DEPDC1B: variants seen among roughly 807,000 people sequenced by gnomAD.
DEPDC1B encodes DEP domain-containing protein 1B.
DEPDC1B carries 51 observed loss-of-function variants against 66.5 expected under a neutral mutation model. That is an observed-to-expected ratio of 0.77 (90% CI 0.61 to 0.97). DEPDC1B has a LOEUF of 0.97. Ranked by LOEUF, DEPDC1B falls within the 50% of genes least tolerant of loss-of-function variation. The pLI is 0.00. For missense variants in DEPDC1B, 552 were observed against 637.1 expected (o/e 0.87, Z 1.44); for synonymous variants, 226 against 223.6 (o/e 1.01, Z -0.10).
chr5:60,677,824 T>C (rs1754205864), intron 2 of DEPDC1B, among the ~76,000 whole-genome samples: 1 of 152,148 alleles, frequency 6.6e-6, no homozygotes, highest in Non-Finnish European at 1.5e-5. Context: ...CAACAACCCA[T>C]GACGATGAAA....
At chr5:60,657,841 G>A (rs1451972332) in intron 2 of DEPDC1B, among the ~76,000 whole-genome samples, 1 of 152,142 alleles carries the variant, frequency 6.6e-6, no homozygotes, top group East Asian at 1.9e-4. Context: ...CTAGATCTCT[G>A]GCAAGGCCAG....
chr5:60,620,690 TG>T (rs1335464578), intron 7 of DEPDC1B, among the ~76,000 whole-genome samples: 1 of 152,326 alleles, frequency 6.6e-6, no homozygotes, highest in East Asian at 1.9e-4. Flanking sequence ...ACACTGTTGG[TG>T]GGACTGTAAA....
intron 7 of DEPDC1B, among the ~76,000 whole-genome samples, chr5:60,636,965 T>C (rs1235334634): frequency 6.6e-6 from 1 of 152,214 alleles, no homozygotes; most frequent in Admixed American, 6.5e-5. Flanking sequence ...ATAATTGTGA[T>C]AAAATAGAGC....
chr5:60,664,030 T>C (rs921910421), intron 2 of DEPDC1B, among the ~76,000 whole-genome samples: 1 of 152,234 alleles, frequency 6.6e-6, no homozygotes, highest in South Asian at 2.1e-4. Context: ...CAGGCCATTA[T>C]ACACACTAAT....
Position 60,667,664 on chromosome 5 carries a change from T to TGAAA in DEPDC1B, c.314+19297_314+19298insTTTC, listed in dbSNP as rs1183216858. On this transcript the variant is annotated intron_variant, in intron 2 of 10. Coordinates refer to ENST00000265036, the MANE Select transcript of DEPDC1B (RefSeq NM_018369.3). ...GAAAAATGGATATTTTACATGTATA[T>TGAAA]AATGGATATTTTACATGTATATAAT... Among the ~76,000 whole-genome samples the TGAAA allele has an allele frequency of 1.1e-3, 142 of 132,552 alleles. 1 individual carries two copies. The highest frequency in any genetic ancestry group is 0.012 in the Middle Eastern group (1 of 84). 87.0% of individuals were successfully genotyped at this position (132,552 alleles called of 152,430 possible). A position where few individuals can be genotyped will look rare whatever the true frequency, so the allele number is the denominator to read the frequency against.
In DEPDC1B at chr5:60,639,031, T is replaced by G. The variant is rs918917165; in HGVS notation, c.758-141A>C. 5 of 850,450 alleles carry G rather than the reference T, an allele frequency of 5.9e-6. No individual in the cohort carries two copies. In the African/African-American group the frequency reaches 8.9e-5, roughly 15 times the overall value. The allele number at this position is 850,450 out of a possible 1,614,324, so 52.7% of individuals were successfully genotyped here. ...AAGTTTTTATGGGGAAAATTGACAT[T>G]AATTAAATAGGCATTCTACACTGAT... On this transcript the variant is annotated intron_variant, in intron 6 of 10. Coordinates refer to ENST00000265036, the MANE Select transcript of DEPDC1B (RefSeq NM_018369.3).
intron 7 of DEPDC1B, among the ~76,000 whole-genome samples, chr5:60,615,092 T>G (rs1308196627): frequency 6.6e-6 from 1 of 152,172 alleles, no homozygotes; most frequent in East Asian, 1.9e-4. Context: ...CATACATGAC[T>G]TTTTACTCAA....
At chr5:60,694,962 AG>A (rs1215989762) in intron 1 of DEPDC1B, among the ~76,000 whole-genome samples, 1 of 152,206 alleles carries the variant, frequency 6.6e-6, no homozygotes, top group Non-Finnish European at 1.5e-5. Flanking sequence ...TGTTTTTATA[AG>A]GAAATAATTA....
At chr5:60,644,939 G>T in intron 4 of DEPDC1B, 64 bp from the exon 5 acceptor site, 1 of 1,285,476 alleles carries the variant, frequency 7.8e-7, no homozygotes, top group Non-Finnish European at 1.0e-6. Context: ...CAAAAACCTG[G>T]TACTACAAAA....
intron 2 of DEPDC1B, among the ~76,000 whole-genome samples, chr5:60,667,910 T>C (rs1477085587): frequency 2.2e-5 from 2 of 91,790 alleles, no homozygotes; most frequent in East Asian, 8.1e-4. Context: ...ATTTTATATA[T>C]ATAAAAAATG....
At chr5:60,650,032 T>C (rs1753408402) in intron 2 of DEPDC1B, among the ~76,000 whole-genome samples, 2 of 151,862 alleles carry the variant, frequency 1.3e-5, no homozygotes, top group Non-Finnish European at 2.9e-5. Flanking sequence ...AAAATATTAA[T>C]ATAAAAATTT....
intron 7 of DEPDC1B, among the ~76,000 whole-genome samples, chr5:60,614,715 G>A (rs748613296): frequency 6.6e-6 from 1 of 152,198 alleles, no homozygotes; most frequent in African/African-American, 2.4e-5. Flanking sequence ...AGCAGGCCAG[G>A]CATGGTGGCT....
rs374869934 is a variant in DEPDC1B, at chr5:60,682,307, T to A, written c.314+4655A>T. On this transcript the variant is annotated intron_variant, in intron 2 of 10. Transcript: ENST00000265036. Reference sequence around the variant, plus strand: ...ACATGTTCTCACTCATAGGTGGGAATTGAACAATGAGAACGCATGGACACA... The same window carrying A: ...ACATGTTCTCACTCATAGGTGGGAAATGAACAATGAGAACGCATGGACACA... Among the ~76,000 whole-genome samples the A allele has an allele frequency of 1.4e-4, 22 of 152,216 alleles. 1 individual carries two copies. The East Asian group carries it at 3.7e-3, about 25-fold the overall frequency.
intron 4 of DEPDC1B, 35 bp downstream of exon 4, chr5:60,645,457 C>T: frequency 6.5e-7 from 1 of 1,541,796 alleles, no homozygotes; most frequent in Non-Finnish European, 8.8e-7. Flanking sequence ...GAAACAATAT[C>T]TCTAAAATTT....
chr5:60,698,767 G>A (rs1349820228), intron 1 of DEPDC1B, among the ~76,000 whole-genome samples: 1 of 151,476 alleles, frequency 6.6e-6, no homozygotes. Flanking sequence ...CCAGGTTCAA[G>A]AGATTCTCCT....
At chr5:60,673,292 AT>A (rs1754085561) in intron 2 of DEPDC1B, among the ~76,000 whole-genome samples, 1 of 152,154 alleles carries the variant, frequency 6.6e-6, no homozygotes, top group South Asian at 2.1e-4. Flanking sequence ...ATAAATTCGA[AT>A]TTATCTGTTT....
chr5:60,679,790 C>G (rs1754254601), intron 2 of DEPDC1B, among the ~76,000 whole-genome samples: 1 of 152,190 alleles, frequency 6.6e-6, no homozygotes, highest in Non-Finnish European at 1.5e-5. Context: ...AGGACAAACA[C>G]TTTTCTCATT....
chr5:60,628,614 A>G, intron 7 of DEPDC1B: 1 of 152,232 alleles, frequency 6.6e-6, no homozygotes, highest in East Asian at 1.9e-4. Context: ...AAAGAAAGAC[A>G]CAGCAAGAGG....
In DEPDC1B at chr5:60,647,468, T is replaced by C; in HGVS notation, c.380A>G (p.Lys127Arg). 1 of 1,613,180 alleles carries C rather than the reference T, an allele frequency of 6.2e-7. No homozygotes were observed. The highest frequency in any genetic ancestry group is 8.5e-7 in the Non-Finnish European group (1 of 1,179,670). Residue 127 changes from lysine (K) to arginine (R), a missense_variant, in exon 3 of 11, where the codon AAA becomes AGA. By Grantham distance (26) the Lys-to-Arg change is conservative. Coordinates refer to ENST00000265036, the MANE Select transcript of DEPDC1B (RefSeq NM_018369.3). ...TGGGAGATCATTCCATTCTGGAAAT[T>C]TAATAACATCCTTTTGGTTTGGGGG... The part of the protein sequence containing the change: ...KKPPNQKDVI[K>R]FPEWNDLPPG...
Sources: gnomAD v4.1 joint callset for allele counts (sites outside exome capture counted in the v4.1 genomes callset) on GRCh38, gnomAD v4.1.1 for gene constraint, MANE v1.5 for transcripts, NCBI Gene and HGNC (gene_info 2026-07-23, HGNC 2026-07-21) for gene names.